Variants in STXBP5L observed in about 807,000 individuals in gnomAD.
STXBP5L encodes the protein syntaxin-binding protein 5-like.
A neutral mutation model predicts 144.5 loss-of-function variants in STXBP5L; 65 were observed. That is an observed-to-expected ratio of 0.45 (90% CI 0.37 to 0.55). The LOEUF is 0.55. Among genes scored for constraint, STXBP5L ranks in the 20% least tolerant of loss-of-function variants. STXBP5L has a pLI of 0.00. For missense variants in STXBP5L, 1,298 were observed against 1,405.5 expected, an observed-to-expected ratio of 0.92 and a Z score of 1.22; for synonymous variants, 505 against 469.6, an observed-to-expected ratio of 1.08 and a Z score of -0.97.
At chr3:121,018,816 GA>G (rs1945329310) in intron 3 of STXBP5L, among the ~76,000 whole-genome samples, 1 of 152,204 alleles carries the variant, frequency 6.6e-6, no homozygotes, top group Non-Finnish European at 1.5e-5. Context: ...CCCACATCAT[GA>G]ACTTTTACTT....
intron 10 of STXBP5L, among the ~76,000 whole-genome samples, chr3:121,206,449 C>T (rs1248034127): frequency 6.6e-6 from 1 of 152,016 alleles, no homozygotes; most frequent in African/African-American, 2.4e-5. Context: ...ATAAAAAGTA[C>T]TAAATTTTAA....
intron 5 of STXBP5L, among the ~76,000 whole-genome samples, chr3:121,058,249 G>C (rs911769738): frequency 6.6e-6 from 1 of 152,132 alleles, no homozygotes; most frequent in Non-Finnish European, 1.5e-5. Flanking sequence ...TCTTGTGTTA[G>C]TTTGCTGAGA....
intron 5 of STXBP5L, among the ~76,000 whole-genome samples, chr3:121,094,493 T>G (rs1473339089): frequency 6.6e-6 from 1 of 152,140 alleles, no homozygotes; most frequent in Non-Finnish European, 1.5e-5. Flanking sequence ...TAGTTAGCTC[T>G]TCTTGTTGAA....
intron 5 of STXBP5L, among the ~76,000 whole-genome samples, chr3:121,100,869 G>A (rs1332642959): frequency 6.7e-6 from 1 of 149,550 alleles, no homozygotes; most frequent in Non-Finnish European, 1.5e-5. Context: ...AGAAAAAAAA[G>A]AGGAAAGATC....
intron 20 of STXBP5L, among the ~76,000 whole-genome samples, chr3:121,338,910 A>G (rs753241146): frequency 2.6e-5 from 4 of 152,116 alleles, no homozygotes; most frequent in Non-Finnish European, 4.4e-5. Context: ...AATTTAACAA[A>G]GTTGTCCTCC....
chr3:121,240,801 C>T (rs979071272), intron 14 of STXBP5L, among the ~76,000 whole-genome samples: 3 of 152,106 alleles, frequency 2.0e-5, no homozygotes, highest in Non-Finnish European at 2.9e-5. Context: ...TACAAAGGCC[C>T]TTACAAACAC....
intron 3 of STXBP5L, among the ~76,000 whole-genome samples, chr3:121,021,403 C>G (rs541388063): frequency 1.3e-5 from 2 of 152,054 alleles, no homozygotes; most frequent in Admixed American, 1.3e-4. Context: ...AAACTATACC[C>G]TAGAACAAAT....
intron 5 of STXBP5L, among the ~76,000 whole-genome samples, chr3:121,113,876 G>A (rs1341211918): frequency 1.3e-5 from 2 of 151,828 alleles, no homozygotes; most frequent in Non-Finnish European, 2.9e-5. Flanking sequence ...GTTTCACCAT[G>A]TTGGCCAGGA....
chr3:121,264,611 A>G (rs377097402), intron 18 of STXBP5L, among the ~76,000 whole-genome samples: 37 of 152,172 alleles, frequency 2.4e-4, no homozygotes, highest in African/African-American at 8.9e-4. Flanking sequence ...GACAGGATCA[A>G]ATTTACACAT....
chr3:121,009,822 G>A (rs1944635831), intron 3 of STXBP5L, among the ~76,000 whole-genome samples: 1 of 151,640 alleles, frequency 6.6e-6, no homozygotes, highest in Non-Finnish European at 1.5e-5. Flanking sequence ...TGTCTACAAG[G>A]GCCTAGTAGC....
At chr3:121,157,372 C>T (rs981792833) in intron 8 of STXBP5L, 132 bp from the exon 9 acceptor site, 105 of 956,418 alleles carry the variant, frequency 1.1e-4, no homozygotes, top group Admixed American at 8.8e-4. Context: ...TGATATGGGT[C>T]AGAAAAATTA....
chr3:121,127,164 T>C (rs958913770), intron 7 of STXBP5L, among the ~76,000 whole-genome samples: 1 of 151,996 alleles, frequency 6.6e-6, no homozygotes, highest in African/African-American at 2.4e-5. Context: ...CTACCTCATG[T>C]AGCTCTAGGG....
At chr3:121,161,308 T>A (rs549554902) in intron 9 of STXBP5L, among the ~76,000 whole-genome samples, 1 of 151,782 alleles carries the variant, frequency 6.6e-6, no homozygotes, top group East Asian at 1.9e-4. Context: ...AGTGACACTT[T>A]GTGTGGGCAT....
intron 7 of STXBP5L, among the ~76,000 whole-genome samples, chr3:121,136,366 T>C (rs1385772590): frequency 6.6e-6 from 1 of 152,084 alleles, no homozygotes; most frequent in East Asian, 1.9e-4. Context: ...AGACCTGCCC[T>C]GGTGTCAGTT....
intron 14 of STXBP5L, 65 bp downstream of exon 14, chr3:121,240,572 C>T: frequency 1.4e-6 from 2 of 1,454,850 alleles, no homozygotes; most frequent in Non-Finnish European, 1.9e-6. Flanking sequence ...AGTCTTGATA[C>T]TTTTCCATAA....
intron 3 of STXBP5L, among the ~76,000 whole-genome samples, chr3:120,989,409 T>C (rs1055119351): frequency 6.6e-6 from 1 of 152,170 alleles, no homozygotes; most frequent in Non-Finnish European, 1.5e-5. Context: ...TTTTCATATG[T>C]TTATTCGCAA....
At chr3:121,320,028 T>C (rs2043917790) in intron 20 of STXBP5L, among the ~76,000 whole-genome samples, 1 of 152,214 alleles carries the variant, frequency 6.6e-6, no homozygotes, top group Admixed American at 6.5e-5. Context: ...TGTATTTTCA[T>C]ATAACTTTTA....
intron 9 of STXBP5L, among the ~76,000 whole-genome samples, chr3:121,169,895 T>A (rs1471197822): frequency 6.6e-6 from 1 of 152,176 alleles, no homozygotes; most frequent in Admixed American, 6.5e-5. Context: ...GAATATACAT[T>A]CTTCTCAGCA....
chr3:120,990,126 C>A (rs1351029370), intron 3 of STXBP5L, among the ~76,000 whole-genome samples: 1 of 152,154 alleles, frequency 6.6e-6, no homozygotes, highest in Non-Finnish European at 1.5e-5. Context: ...GATACAAAAT[C>A]AATGGGCAAA....
Sources: allele counts gnomAD v4.1 joint callset (sites outside exome capture counted in the v4.1 genomes callset), GRCh38; gene constraint gnomAD v4.1.1; transcripts MANE v1.5; gene names NCBI Gene and HGNC (gene_info 2026-07-23, HGNC 2026-07-21).